Variants in YWHAE observed in about 807,000 individuals in gnomAD.
YWHAE encodes tyrosine 3-monooxygenase/tryptophan 5-monooxygenase activation protein epsilon.
YWHAE carries 4 observed loss-of-function variants against 30.1 expected under a neutral mutation model. The ratio of observed to expected loss-of-function variants is 0.13; its 90% confidence interval spans 0.07 to 0.30. The LOEUF is 0.30. Ranked by LOEUF, YWHAE falls within the 10% of genes least tolerant of loss-of-function variation. The pLI, the probability that YWHAE is intolerant of heterozygous loss-of-function variation, is 1.00. For synonymous variants in YWHAE, 118 were observed against 111.8 expected (o/e 1.06, Z -0.35); for missense variants, 121 against 315.9 (o/e 0.38, Z 4.68).
chr17:1,372,479 C>G (rs1031097587), intron 1 of YWHAE, among the ~76,000 whole-genome samples: 2 of 152,238 alleles, frequency 1.3e-5, no homozygotes, highest in African/African-American at 4.8e-5. Context: ...CAGACCGTGT[C>G]TCGGCTTTTA....
At chr17:1,383,632 C>A (rs962437665) in intron 1 of YWHAE, among the ~76,000 whole-genome samples, 2 of 151,794 alleles carry the variant, frequency 1.3e-5, no homozygotes, top group African/African-American at 2.4e-5. Context: ...AGGTGATCCA[C>A]CCGCCTCGGC....
chr17:1,355,646 C>T (rs2150843396), intron 4 of YWHAE, among the ~76,000 whole-genome samples: 1 of 151,988 alleles, frequency 6.6e-6, no homozygotes, highest in South Asian at 2.1e-4. Context: ...GTCCAACAAA[C>T]GATACGATAT....
chr17:1,354,363 T>TAGAA lies in YWHAE; in HGVS notation c.579-20_579-17dup. 1 of 1,605,700 alleles carries TAGAA rather than the reference T, an allele frequency of 6.2e-7. No homozygotes were observed. The highest frequency in any genetic ancestry group is 8.5e-7 in the Non-Finnish European group (1 of 1,177,250). Reference sequence around the variant, plus strand: ...TTTTGCCAACCTAAAGGTATTTCAATAGAAGTGTTATAAAAATTAAGTCCA... The same window carrying TAGAA: ...TTTTGCCAACCTAAAGGTATTTCAATAGAAAGAAGTGTTATAAAAATTAAGTCCA... On this transcript the variant is annotated splice_polypyrimidine_tract_variant and intron_variant, in intron 4 of 5. Transcript: ENST00000264335.
chr17:1,345,767 G>A (rs942914752), intron 5 of YWHAE, among the ~76,000 whole-genome samples: 35 of 152,146 alleles, frequency 2.3e-4, no homozygotes, highest in Admixed American at 2.1e-3. Flanking sequence ...AGCTCTTGAC[G>A]TAGACAGCCA....
At chr17:1,383,256 A>G (rs1416930686) in intron 1 of YWHAE, among the ~76,000 whole-genome samples, 2 of 152,088 alleles carry the variant, frequency 1.3e-5, no homozygotes, top group Non-Finnish European at 2.9e-5. Flanking sequence ...GGGCTGAGGC[A>G]GGAGAATTGC....
chr17:1,359,815 TGTGTGTGTGTG>T (rs2072826496), intron 4 of YWHAE, among the ~76,000 whole-genome samples: 1 of 32,644 alleles, frequency 3.1e-5, no homozygotes, highest in African/African-American at 9.3e-5. Flanking sequence ...TAAATTGTTG[TGTGTGTGTGTG>T]TGTGTGTGTG....
At chr17:1,376,024 G>A (rs1274679644) in intron 1 of YWHAE, among the ~76,000 whole-genome samples, 2 of 152,290 alleles carry the variant, frequency 1.3e-5, no homozygotes, top group East Asian at 3.9e-4. Flanking sequence ...GTGGGTACCA[G>A]TATTATCCCA....
intron 1 of YWHAE, among the ~76,000 whole-genome samples, chr17:1,385,480 T>C (rs2073286274): frequency 6.6e-6 from 1 of 152,176 alleles, no homozygotes; most frequent in Non-Finnish European, 1.5e-5. Context: ...TATAAAGCTC[T>C]AGTCCCAAAT....
chr17:1,398,344 C>CA (rs1555648142), intron 1 of YWHAE, among the ~76,000 whole-genome samples: 11 of 129,618 alleles, frequency 8.5e-5, no homozygotes, highest in Admixed American at 4.0e-4. Flanking sequence ...TCCCCCCCCC[C>CA]AACAGGAACC....
At chr17:1,369,713 G>C (rs2073000949) in intron 1 of YWHAE, 1 of 152,034 alleles carries the variant, frequency 6.6e-6, no homozygotes. Context: ...GCATACCTTG[G>C]AAGATACTGC....
chr17:1,361,830 C>G, intron 3 of YWHAE, 72 bp downstream of exon 3: 1 of 973,728 alleles, frequency 1.0e-6, no homozygotes, highest in Non-Finnish European at 1.5e-6. Context: ...TGAAAACCTA[C>G]ATAGAACAAA....
intron 1 of YWHAE, chr17:1,369,567 G>A (rs545312221): frequency 7.9e-5 from 12 of 152,190 alleles, no homozygotes; most frequent in African/African-American, 2.9e-4. Flanking sequence ...CATAATTTTA[G>A]ATTTTCATCA....
At chr17:1,390,942 G>A (rs2073380675) in intron 1 of YWHAE, among the ~76,000 whole-genome samples, 1 of 152,186 alleles carries the variant, frequency 6.6e-6, no homozygotes, top group African/African-American at 2.4e-5. Context: ...CATAACAGTT[G>A]TAACAAGATA....
chr17:1,347,835 G>C (rs2072552027), intron 5 of YWHAE: 2 of 421,814 alleles, frequency 4.7e-6, no homozygotes, highest in Admixed American at 6.4e-5. Context: ...GCCGGAAAAG[G>C]CTTAGGTCAG....
At chr17:1,346,049 A>C (rs1308196353) in intron 5 of YWHAE, among the ~76,000 whole-genome samples, 2 of 149,038 alleles carry the variant, frequency 1.3e-5, no homozygotes, top group Admixed American at 1.3e-4. Flanking sequence ...ACCAAACTAT[A>C]ATCAGATTTT....
intron 1 of YWHAE, among the ~76,000 whole-genome samples, chr17:1,370,283 T>C (rs575544354): frequency 1.4e-3 from 197 of 145,644 alleles, no homozygotes; most frequent in East Asian, 3.4e-3. Flanking sequence ...CCCGTCACCA[T>C]GCCCAGTGAA....
At chr17:1,369,869 A>ACAACT (rs1567969404) in intron 1 of YWHAE, 2 of 152,100 alleles carry the variant, frequency 1.3e-5, no homozygotes, top group African/African-American at 4.8e-5. Context: ...TAAACTGTAC[A>ACAACT]TAATTTAAAA....
chr17:1,371,073 T>C (rs1451021878), intron 1 of YWHAE, among the ~76,000 whole-genome samples: 2 of 151,960 alleles, frequency 1.3e-5, no homozygotes, highest in Non-Finnish European at 2.9e-5. Flanking sequence ...AAGTACTGTG[T>C]GTGAGTGTGT....
At chr17:1,389,098 T>C (rs2150875188) in intron 1 of YWHAE, among the ~76,000 whole-genome samples, 1 of 152,228 alleles carries the variant, frequency 6.6e-6, no homozygotes, top group East Asian at 1.9e-4. Flanking sequence ...CCCAAGTAGC[T>C]GAGACTACAG....
Sources: gnomAD v4.1 joint callset for allele counts (sites outside exome capture counted in the v4.1 genomes callset) on GRCh38, gnomAD v4.1.1 for gene constraint, MANE v1.5 for transcripts, NCBI Gene and HGNC (gene_info 2026-07-23, HGNC 2026-07-21) for gene names.